Variants in JMJD1C observed in about 807,000 individuals in gnomAD.
JMJD1C encodes jumonji domain containing 1C.
Under a neutral mutation model 245.3 loss-of-function variants are expected in JMJD1C, and 31 were observed. The ratio of observed to expected loss-of-function variants is 0.13; its 90% CI spans 0.09 to 0.17. The LOEUF is 0.17. Ranked by LOEUF, JMJD1C falls within the 10% of genes least tolerant of loss-of-function variation. The probability of loss-of-function intolerance (pLI) is 1.00; values close to 1 mark genes in which losing one functional copy is unlikely to be tolerated. For missense variants in JMJD1C, 2,691 were observed against 3,000.2 expected (o/e 0.90, Z 2.41); for synonymous variants, 1,057 against 1,017.4 (o/e 1.04, Z -0.74).
intron 1 of JMJD1C, chr10:63,382,975 A>G (rs970704857): frequency 1.9e-5 from 7 of 378,188 alleles, no homozygotes; most frequent in South Asian, 9.9e-5. Flanking sequence ...ATACCGTCCT[A>G]TATTTTTAAG....
At chr10:63,521,072 T>G (rs1955205126) in intron 1 of JMJD1C, among the ~76,000 whole-genome samples, 1 of 152,122 alleles carries the variant, frequency 6.6e-6, no homozygotes, top group Non-Finnish European at 1.5e-5. Context: ...TGCCAATCCC[T>G]ACCCTCCAGT....
chr10:63,172,661 G>A (rs547669520), intron 24 of JMJD1C, among the ~76,000 whole-genome samples: 58 of 151,748 alleles, frequency 3.8e-4, no homozygotes, highest in African/African-American at 1.1e-3. Flanking sequence ...CAGGAAAGAC[G>A]ACAGAAAGTT....
At chr10:63,252,131 T>C (rs554452740) in intron 3 of JMJD1C, among the ~76,000 whole-genome samples, 1 of 152,346 alleles carries the variant, frequency 6.6e-6, no homozygotes, top group African/African-American at 2.4e-5. Flanking sequence ...CATTAATGAA[T>C]GAGAGAACTT....
At chr10:63,498,000 T>C (rs1954415120) in intron 1 of JMJD1C, among the ~76,000 whole-genome samples, 2 of 152,182 alleles carry the variant, frequency 1.3e-5, no homozygotes, top group Non-Finnish European at 2.9e-5. Context: ...CACTATGAGT[T>C]GTGCAGTGAA....
intron 3 of JMJD1C, among the ~76,000 whole-genome samples, chr10:63,234,358 A>G (rs1329478172): frequency 6.6e-6 from 1 of 151,730 alleles, no homozygotes; most frequent in African/African-American, 2.4e-5. Flanking sequence ...GGCAGGTGTT[A>G]TGGTGCATGC....
chr10:63,176,487 T>A lies in JMJD1C; in HGVS notation c.7225-14A>T. The A allele has an allele frequency of 6.3e-7, 1 of 1,583,934 alleles. No individual in the cohort carries two copies. The highest frequency in any genetic ancestry group is 8.7e-7 in the Non-Finnish European group (1 of 1,155,906). On this transcript the variant is annotated splice_polypyrimidine_tract_variant and intron_variant, in intron 23 of 25. Transcript: ENST00000399262. The stretch of plus-strand genomic sequence containing the variant: ...TTCTTTTGAAATCTGAAATATGAAT[T>A]AAAATAGACACTCCAATTTAAGTAA...
intron 2 of JMJD1C, among the ~76,000 whole-genome samples, chr10:63,315,926 TG>T (rs1939985339): frequency 2.0e-5 from 3 of 151,478 alleles, no homozygotes; most frequent in African/African-American, 7.3e-5. Flanking sequence ...ACAAGCACTT[TG>T]GGAGGCTGAG....
intron 2 of JMJD1C, among the ~76,000 whole-genome samples, chr10:63,308,274 G>A (rs1407640189): frequency 1.3e-5 from 2 of 152,174 alleles, no homozygotes; most frequent in African/African-American, 2.4e-5. Flanking sequence ...ATCTATGTAG[G>A]AGATGGATTT....
intron 1 of JMJD1C, among the ~76,000 whole-genome samples, chr10:63,384,892 A>G (rs1003886540): frequency 6.6e-6 from 1 of 152,128 alleles, no homozygotes; most frequent in Non-Finnish European, 1.5e-5. Context: ...GGCAATAACA[A>G]CTTGTCTAAC....
intron 1 of JMJD1C, chr10:63,382,847 T>C (rs888123727): frequency 2.0e-5 from 9 of 455,980 alleles, no homozygotes; most frequent in African/African-American, 1.6e-4. Context: ...GTTGCTCTTT[T>C]GGCCTAGCTC....
At chr10:63,321,846 C>A (rs1406063463) in intron 2 of JMJD1C, among the ~76,000 whole-genome samples, 2 of 152,204 alleles carry the variant, frequency 1.3e-5, no homozygotes, top group African/African-American at 4.8e-5. Flanking sequence ...TGCCCTCTCT[C>A]TTGACCTGGG....
At chr10:63,512,641 G>A (rs890368834) in intron 1 of JMJD1C, among the ~76,000 whole-genome samples, 2 of 152,094 alleles carry the variant, frequency 1.3e-5, no homozygotes, top group Non-Finnish European at 2.9e-5. Context: ...TTGATTTTCT[G>A]AAGTTTGAAT....
intron 2 of JMJD1C, among the ~76,000 whole-genome samples, chr10:63,343,245 AG>A (rs1943530247): frequency 6.6e-6 from 1 of 152,092 alleles, no homozygotes; most frequent in South Asian, 2.1e-4. Flanking sequence ...ACACACCTGT[AG>A]TCCCAGCTCC....
chr10:63,495,919 A>C (rs1954352022), intron 1 of JMJD1C, among the ~76,000 whole-genome samples: 2 of 152,002 alleles, frequency 1.3e-5, no homozygotes, highest in African/African-American at 2.4e-5. Flanking sequence ...TTTTTAAAAA[A>C]GGATATCAAC....
At chr10:63,356,850 A>G (rs1944887144) in intron 2 of JMJD1C, among the ~76,000 whole-genome samples, 1 of 152,168 alleles carries the variant, frequency 6.6e-6, no homozygotes, top group Non-Finnish European at 1.5e-5. Context: ...ACTATTCACA[A>G]CTATTCAAAC....
upstream of JMJD1C, among the ~76,000 whole-genome samples, chr10:63,469,147 C>T (rs1017648288): frequency 2.0e-5 from 3 of 152,300 alleles, no homozygotes; most frequent in Middle Eastern, 3.4e-3. Context: ...TGTCAATCAT[C>T]TGCTCTCATA....
At chr10:63,475,496 T>A (rs987910793) in intron 1 of JMJD1C, among the ~76,000 whole-genome samples, 23 of 152,130 alleles carry the variant, frequency 1.5e-4, no homozygotes, top group Non-Finnish European at 1.6e-4. Context: ...CCTAATAAAT[T>A]CCTGCAAAAT....
chr10:63,302,666 C>T (rs1440604758), intron 2 of JMJD1C, among the ~76,000 whole-genome samples: 30 of 152,118 alleles, frequency 2.0e-4, no homozygotes. Context: ...AAAATGTTTA[C>T]CAAGTTGTGA....
chr10:63,433,849 G>A (rs1020456839), intron 1 of JMJD1C, among the ~76,000 whole-genome samples: 5 of 150,324 alleles, frequency 3.3e-5, no homozygotes, highest in African/African-American at 9.7e-5. Context: ...CCAAAGTGCT[G>A]GGATTACGGG....
Sources: allele counts gnomAD v4.1 joint callset (sites outside exome capture counted in the v4.1 genomes callset), GRCh38; gene constraint gnomAD v4.1.1; transcripts MANE v1.5; gene names NCBI Gene and HGNC (gene_info 2026-07-23, HGNC 2026-07-21).